SARM1: variants seen among roughly 807,000 people sequenced by gnomAD.
SARM1 encodes the protein NAD(+) hydrolase SARM1.
Under a neutral mutation model 65.1 loss-of-function variants are expected in SARM1, and 60 were observed. The observed-to-expected ratio is 0.92, with a 90% CI of 0.75 to 1.14. SARM1 has a LOEUF of 1.14. Among genes scored for constraint, SARM1 ranks in the 50% most tolerant of loss-of-function variants. The probability of loss-of-function intolerance (pLI) is 0.00; values close to 1 mark genes in which losing one functional copy is unlikely to be tolerated. For missense variants in SARM1, 913 were observed against 1,015.7 expected (o/e 0.90, Z 1.37); for synonymous variants, 417 against 465.4 (o/e 0.90, Z 1.34).
chr17:28,395,890 C>A lies in SARM1; in HGVS notation c.1924-15C>A. 6.2e-7 allele frequency: 1 copy of A among 1,613,376 alleles called. No individual in the cohort carries two copies. Among genetic ancestry groups the A allele is most frequent in the Non-Finnish European group, 8.5e-7 (1 of 1,179,868 alleles). ...GGGTACAGGGGTATCTTCCTCCTTT[C>A]CTTTCTTTCTCCAGGAGATTGTGAC... On this transcript the variant is annotated splice_polypyrimidine_tract_variant and intron_variant, in intron 7 of 8. Coordinates refer to ENST00000585482, the MANE Select transcript of SARM1 (RefSeq NM_015077.4).
Position 28,381,743 on chromosome 17 carries a change from CCGCTTGGAGG to C in SARM1, c.1015_1024del (p.Leu339SerfsTer33), listed in dbSNP as rs1447529219. On this transcript the variant is annotated frameshift_variant, in exon 2 of 9. Coordinates refer to ENST00000585482, the MANE Select transcript of SARM1 (RefSeq NM_015077.4). LOFTEE classifies it high-confidence loss of function. The stretch of plus-strand genomic sequence containing the variant: ...GCCTCGTGCCGTTGCTCGACTCTAA[CCGCTTGGAGG>C]CGCAGTGCATCGGGGCTTTCTACCT... The C allele has an allele frequency of 6.6e-7, 1 of 1,522,028 alleles. No individual in the cohort carries two copies. Among genetic ancestry groups the C allele is most frequent in the African/African-American group, 1.4e-5 (1 of 71,598 alleles). 94.3% of individuals were successfully genotyped at this position (1,522,028 alleles called of 1,614,324 possible). A position where few individuals can be genotyped will look rare whatever the true frequency, so the allele number is the denominator to read the frequency against.
In SARM1 at chr17:28,381,837, G is replaced by C. The variant is rs1555585361; in HGVS notation, c.1089+16G>C. The C allele has an allele frequency of 2.8e-6, 4 of 1,425,910 alleles. No individual in the cohort carries two copies. The East Asian group carries it at 8.0e-5, about 29-fold the overall frequency. 88.3% of individuals were successfully genotyped at this position (1,425,910 alleles called of 1,614,324 possible). ...CAAGACCAAGGTGGGTGCAGATGTGGGGTTGGGTGGATCAGGGGTTAGAGA... is the reference window on the plus strand; with the variant it reads ...CAAGACCAAGGTGGGTGCAGATGTGCGGTTGGGTGGATCAGGGGTTAGAGA... On this transcript the variant is annotated intron_variant, in intron 2 of 8. Transcript: ENST00000585482.
intron 1 of SARM1, among the ~76,000 whole-genome samples, chr17:28,377,624 T>C (rs762236626): frequency 4.6e-5 from 7 of 152,232 alleles, no homozygotes; most frequent in Admixed American, 3.3e-4. Flanking sequence ...CTATGGTCAC[T>C]GTGGTGCCCT....
In SARM1 at chr17:28,397,814, G is replaced by T. The variant is rs556006715; in HGVS notation, c.*1528G>T. ...CTCCAGGCCGTGGGGGCTGCTGAAG[G>T]CTCTTTCCCCGCAAGGGCCAGGTGT... On this transcript the variant is annotated 3_prime_UTR_variant, in exon 9 of 9. Coordinates refer to ENST00000585482, the MANE Select transcript of SARM1 (RefSeq NM_015077.4). 3 of 153,092 alleles carry T rather than the reference G, an allele frequency of 2.0e-5. No individual in the cohort carries two copies. The South Asian group carries it at 6.2e-4, about 32-fold the overall frequency. The allele number at this position is 153,092 out of a possible 1,614,324, so 9.5% of individuals were successfully genotyped here.
chr17:28,380,261 AC>A (rs1243844855), intron 1 of SARM1, among the ~76,000 whole-genome samples: 21 of 151,232 alleles, frequency 1.4e-4, no homozygotes, highest in African/African-American at 4.6e-4. Context: ...ACATCGCAAT[AC>A]CTCTGGCATT....
In SARM1 at chr17:28,388,415, C is replaced by T; in HGVS notation, c.1799C>T (p.Ala600Val). ...SVFIDVEKLE[A>V]GKFEDKLIQS... ...TTCATTGATGTGGAGAAGCTGGAAG[C>T]AGGCAAGTTCGAGGACAAACTCATC... is the stretch of plus-strand genomic sequence containing the variant. The change falls in exon 7 of 9, where the codon GCA becomes GTA. Residue 600 changes from alanine to valine, a missense_variant. By Grantham distance (64) the Ala-to-Val change is moderately conservative. Transcript: ENST00000585482. 1.2e-5 allele frequency: 19 copies of T among 1,614,012 alleles called. No homozygotes were observed. The highest frequency in any genetic ancestry group is 1.6e-5 in the Non-Finnish European group (19 of 1,179,890).
chr17:28,373,748 C>T (rs2067971548), intron 1 of SARM1: 1 of 152,192 alleles, frequency 6.6e-6, no homozygotes, highest in Non-Finnish European at 1.5e-5. Flanking sequence ...TAACTACAAT[C>T]CCTGGAGAGT....
chr17:28,385,138 TCC>T lies in SARM1; in HGVS notation c.1494_1495del (p.Phe498LeufsTer22). 1 of 1,613,444 alleles carries T rather than the reference TCC, an allele frequency of 6.2e-7. No individual in the cohort carries two copies. The highest frequency in any genetic ancestry group is 8.5e-7 in the Non-Finnish European group (1 of 1,179,832). ...TGGCTGGGCAGCCTGGACCCGCGCT[TCC>T]GCCAGTACACCTACGGCCTGGTCAG... On this transcript the variant is annotated frameshift_variant, in exon 5 of 9. Transcript: ENST00000585482. LOFTEE classifies it high-confidence loss of function. This position sits in a 1 kb window ranked among gnomAD's most constrained non-coding sequence, Gnocchi z 4.5.
At chr17:28,376,627 C>CTTTTGT (rs566090676) in intron 1 of SARM1, among the ~76,000 whole-genome samples, 8 of 151,942 alleles carry the variant, frequency 5.3e-5, no homozygotes, top group East Asian at 3.9e-4. Context: ...TCCTTCTTAT[C>CTTTTGT]TTTTGTTTTT....
At position 28,396,433 on chromosome 17, in the gene SARM1, T is replaced by C. The variant is rs2142444746; in HGVS notation, c.*147T>C. ...TCCCTCCCCCTGTCCCCCACCCTCA[T>C]GGCCCACCTCCAACCCACTTTCCTC... On this transcript the variant is annotated 3_prime_UTR_variant, in exon 9 of 9. Coordinates refer to ENST00000585482, the MANE Select transcript of SARM1 (RefSeq NM_015077.4). The C allele has an allele frequency of 2.2e-6, 2 of 908,196 alleles. No individual in the cohort carries two copies. The highest frequency in any genetic ancestry group is 2.4e-5 in the Admixed American group (1 of 41,092). 56.3% of individuals were successfully genotyped at this position (908,196 alleles called of 1,614,324 possible).
At chr17:28,376,403 CA>C (rs58695374) in intron 1 of SARM1, among the ~76,000 whole-genome samples, 97 of 84,000 alleles carry the variant, frequency 1.2e-3, no homozygotes, top group South Asian at 1.6e-3. Context: ...ACTAAAAATA[CA>C]AAAAAAAAAA....
Position 28,384,780 on chromosome 17 carries a change from T to G in SARM1, c.1303-59T>G. On this transcript the variant is annotated intron_variant, in intron 3 of 8. Coordinates refer to ENST00000585482, the MANE Select transcript of SARM1 (RefSeq NM_015077.4). The surrounding 1 kb of genome is among the most constrained non-coding windows in gnomAD (Gnocchi z 4.4). ...CTCCAGTTCCTTCCCTTGCATCTTG[T>G]GCTCGAGGTCCAAGGGCGGAGTAGC... 6.9e-7 allele frequency: 1 copy of G among 1,455,494 alleles called. No homozygotes were observed. The highest frequency in any genetic ancestry group is 9.4e-7 in the Non-Finnish European group (1 of 1,059,560). The allele number at this position is 1,455,494 out of a possible 1,614,324, so 90.2% of individuals were successfully genotyped here.
chr17:28,396,190 G>A lies in SARM1; in HGVS notation c.2079G>A (p.Glu693=), dbSNP rs782331635. ...ACGAATACCAGGAGGCCACCATTGA[G>A]AAGATCATCCGCTTCCTGCAGGGCC... ...WSHEYQEATI[E]KIIRFLQGRS... The change falls in exon 9 of 9, where the codon GAG becomes GAA. Residue 693 remains glutamate (E), a synonymous_variant. Coordinates refer to ENST00000585482, the MANE Select transcript of SARM1 (RefSeq NM_015077.4). 1 of 1,614,002 alleles carries A rather than the reference G, an allele frequency of 6.2e-7. No homozygotes were observed. The highest frequency in any genetic ancestry group is 8.5e-7 in the Non-Finnish European group (1 of 1,179,868).
Position 28,403,278 on chromosome 17 carries a change from G to A in SARM1, c.*6992G>A, listed in dbSNP as rs1172349598. 2 of 152,180 alleles carry A rather than the reference G, an allele frequency of 1.3e-5. No homozygotes were observed. The highest frequency in any genetic ancestry group is 2.4e-5 in the African/African-American group (1 of 41,424). The allele number at this position is 152,180 out of a possible 1,614,324, so 9.4% of individuals were successfully genotyped here. A position where few individuals can be genotyped will look rare whatever the true frequency, so the allele number is the denominator to read the frequency against. On this transcript the variant is annotated 3_prime_UTR_variant, in exon 9 of 9. Transcript: ENST00000585482. Reference sequence around the variant, plus strand: ...GCAATCTCAGGGAACCAATACATGAGGTAAAAAGGTAACATCTATGAAGAG... The same window carrying A: ...GCAATCTCAGGGAACCAATACATGAAGTAAAAAGGTAACATCTATGAAGAG...
chr17:28,390,583 G>A (rs535573720), intron 7 of SARM1, among the ~76,000 whole-genome samples: 11 of 152,018 alleles, frequency 7.2e-5, no homozygotes, highest in Admixed American at 1.3e-4. Context: ...AGCAGACCAC[G>A]CTATATAGGG....
Position 28,384,494 on chromosome 17 carries a change from G to A in SARM1, c.1227G>A (p.Val409=). The change falls in exon 3 of 9, where the codon GTG becomes GTA. Residue 409 remains valine, a synonymous_variant. Coordinates refer to ENST00000585482, the MANE Select transcript of SARM1 (RefSeq NM_015077.4). This position sits in a 1 kb window ranked among gnomAD's most constrained non-coding sequence, Gnocchi z 4.4. ...TGCCACGGCCCATCCTGCCCTCCGT[G>A]CCCAGCTGGAAGGAGGCCGAGGTTC... ...EEVPRPILPS[V]PSWKEAEVQT... 1 of 1,613,684 alleles carries A rather than the reference G, an allele frequency of 6.2e-7. No individual in the cohort carries two copies. Among genetic ancestry groups the A allele is most frequent in the Non-Finnish European group, 8.5e-7 (1 of 1,179,740 alleles).
At chr17:28,378,691 T>C (rs1339518232) in intron 1 of SARM1, among the ~76,000 whole-genome samples, 2 of 152,164 alleles carry the variant, frequency 1.3e-5, no homozygotes, top group South Asian at 2.1e-4. Flanking sequence ...AGGGTCTTGC[T>C]CTGATGCCCA....
intron 7 of SARM1, among the ~76,000 whole-genome samples, chr17:28,391,103 AG>A (rs1555586795): frequency 6.6e-6 from 1 of 152,136 alleles, no homozygotes; most frequent in African/African-American, 2.4e-5. Flanking sequence ...TTGACACCAG[AG>A]ATGATTGTAT....
chr17:28,376,966 T>C (rs1477892145), intron 1 of SARM1, among the ~76,000 whole-genome samples: 1 of 152,042 alleles, frequency 6.6e-6, no homozygotes, highest in Non-Finnish European at 1.5e-5. Flanking sequence ...GTTTTTGCAT[T>C]TTTAATAGAG....
Sources: allele counts gnomAD v4.1 joint callset (sites outside exome capture counted in the v4.1 genomes callset), GRCh38; gene constraint gnomAD v4.1.1; non-coding constraint Gnocchi (gnomAD v3.1); transcripts MANE v1.5; gene names NCBI Gene and HGNC (gene_info 2026-07-23, HGNC 2026-07-21).